Variants in NMNAT2 observed in about 807,000 individuals in gnomAD.
The protein encoded by NMNAT2 is nicotinamide nucleotide adenylyltransferase 2, also known as nicotinamide/nicotinic acid mononucleotide adenylyltransferase 2.
Under a neutral mutation model 41.6 loss-of-function variants are expected in NMNAT2, and 11 were observed. The ratio of observed to expected loss-of-function variants is 0.26; its 90% CI spans 0.17 to 0.44. The LOEUF is 0.44. Ranked by LOEUF, NMNAT2 falls within the 20% of genes least tolerant of loss-of-function variation. The pLI, the probability that NMNAT2 is intolerant of heterozygous loss-of-function variation, is 1.00. For missense variants in NMNAT2, 288 were observed against 407.7 expected (o/e 0.71, Z 2.53); for synonymous variants, 148 against 151.2 (o/e 0.98, Z 0.16).
intron 10 of NMNAT2, among the ~76,000 whole-genome samples, chr1:183,259,937 G>A (rs1377808405): frequency 1.3e-5 from 2 of 152,272 alleles, no homozygotes; most frequent in African/African-American, 2.4e-5. Context: ...TTACGTGTTC[G>A]TGGCTTTCAG....
chr1:183,371,055 T>TC (rs1663528220), intron 1 of NMNAT2, among the ~76,000 whole-genome samples: 1 of 151,864 alleles, frequency 6.6e-6, no homozygotes, highest in Non-Finnish European at 1.5e-5. Flanking sequence ...CAGAATGGAT[T>TC]CCCCCACACC....
At chr1:183,256,164 T>G (rs754841983) in intron 10 of NMNAT2, among the ~76,000 whole-genome samples, 1 of 151,946 alleles carries the variant, frequency 6.6e-6, no homozygotes, top group Non-Finnish European at 1.5e-5. Flanking sequence ...TCCCAGCACT[T>G]TGGGAGGCTG....
Position 183,248,403 on chromosome 1 carries a change from T to G in NMNAT2, c.*4238A>C, listed in dbSNP as rs1229544987. 1 of 152,662 alleles carries G rather than the reference T, an allele frequency of 6.6e-6. No homozygotes were observed. Among genetic ancestry groups the G allele is most frequent in the East Asian group, 1.9e-4 (1 of 5,202 alleles). The allele number at this position is 152,662 out of a possible 1,614,324, so 9.5% of individuals were successfully genotyped here. A position where few individuals can be genotyped will look rare whatever the true frequency, so the allele number is the denominator to read the frequency against. Reference sequence around the variant, plus strand: ...TGAATTGATTTCCATAAAGCAAATCTTACTCTTAAAATGGCAGATTATGTG... The same window carrying G: ...TGAATTGATTTCCATAAAGCAAATCGTACTCTTAAAATGGCAGATTATGTG... On this transcript the variant is annotated 3_prime_UTR_variant, in exon 11 of 11. Coordinates refer to ENST00000287713, the MANE Select transcript of NMNAT2 (RefSeq NM_015039.4).
At chr1:183,376,007 T>TG (rs1663670987) in intron 1 of NMNAT2, among the ~76,000 whole-genome samples, 1 of 151,876 alleles carries the variant, frequency 6.6e-6, no homozygotes, top group Non-Finnish European at 1.5e-5. Flanking sequence ...GGTCACTCAC[T>TG]AATGCTATTA....
At chr1:183,271,163 A>G (rs1180232187) in intron 8 of NMNAT2, among the ~76,000 whole-genome samples, 1 of 152,238 alleles carries the variant, frequency 6.6e-6, no homozygotes, top group African/African-American at 2.4e-5. Context: ...TTTGGGTTAA[A>G]TATTGACTCT....
intron 1 of NMNAT2, among the ~76,000 whole-genome samples, chr1:183,371,865 G>C (rs950493608): frequency 1.3e-5 from 2 of 152,060 alleles, no homozygotes; most frequent in Admixed American, 1.3e-4. Flanking sequence ...CTGCAGCCTT[G>C]ATCCCCTGGG....
At chr1:183,289,857 C>G (rs77569652) in intron 4 of NMNAT2, among the ~76,000 whole-genome samples, 3,119 of 152,350 alleles carry the variant, frequency 0.02, 94 homozygotes, top group African/African-American at 0.071. Context: ...AAGCTGCCCA[C>G]CATACCCAGC....
intron 1 of NMNAT2, among the ~76,000 whole-genome samples, chr1:183,370,578 A>AT (rs1289425814): frequency 6.6e-6 from 1 of 152,208 alleles, no homozygotes; most frequent in African/African-American, 2.4e-5. Flanking sequence ...AATGCCCTGG[A>AT]GCCCAGCCAG....
Position 183,248,625 on chromosome 1 carries a change from G to A in NMNAT2, c.*4016C>T, listed in dbSNP as rs200877225. On this transcript the variant is annotated 3_prime_UTR_variant, in exon 11 of 11. Transcript: ENST00000287713. Reference sequence around the variant, plus strand: ...ACCACATGAACAGTCGAGTGTGCTGGGCAGCTATAAGATGGTGCAGACTGG... The same window carrying A: ...ACCACATGAACAGTCGAGTGTGCTGAGCAGCTATAAGATGGTGCAGACTGG... 1.3e-5 allele frequency: 2 copies of A among 152,120 alleles called. No homozygotes were observed. The highest frequency in any genetic ancestry group is 2.9e-5 in the Non-Finnish European group (2 of 68,046). The allele number at this position is 152,120 out of a possible 1,614,324, so 9.4% of individuals were successfully genotyped here. A position where few individuals can be genotyped will look rare whatever the true frequency, so the allele number is the denominator to read the frequency against.
chr1:183,280,135 A>G (rs536589444), intron 7 of NMNAT2, among the ~76,000 whole-genome samples: 2 of 152,314 alleles, frequency 1.3e-5, no homozygotes, highest in African/African-American at 2.4e-5. Context: ...CAACTCCCCA[A>G]CTGTGGAGAG....
In NMNAT2 at chr1:183,311,968, G is replaced by A. The variant is rs148262128; in HGVS notation, c.86-18175C>T. Among the ~76,000 whole-genome samples the A allele has an allele frequency of 2.3e-3, 343 of 152,160 alleles. 2 individuals are homozygous for A. The highest frequency in any genetic ancestry group is 8.0e-3 in the African/African-American group (332 of 41,512). On this transcript the variant is annotated intron_variant, in intron 1 of 10. Transcript: ENST00000287713. Reference sequence around the variant, plus strand: ...TGGTATTATAAGGGGGAGTTTCCCTGCACAAGCGCTCTTTTTGCCTGCTGC... The same window carrying A: ...TGGTATTATAAGGGGGAGTTTCCCTACACAAGCGCTCTTTTTGCCTGCTGC...
rs902372876 is a variant in NMNAT2 at position 183,251,445 on chromosome 1, C to T, written c.*1196G>A. 6.6e-6 allele frequency: 1 copy of T among 152,248 alleles called. No homozygotes were observed. Among genetic ancestry groups the T allele is most frequent in the African/African-American group, 2.4e-5 (1 of 41,456 alleles). The allele number at this position is 152,248 out of a possible 1,614,324, so 9.4% of individuals were successfully genotyped here. ...AAGAGACATTTCCCAGCCCAACAGA[C>T]AATACATAATTCCAATTAGCAAAGA... On this transcript the variant is annotated 3_prime_UTR_variant, in exon 11 of 11. Transcript: ENST00000287713.
chr1:183,333,924 GCTGT>G (rs1031018432), intron 1 of NMNAT2, among the ~76,000 whole-genome samples: 2 of 152,174 alleles, frequency 1.3e-5, no homozygotes, highest in African/African-American at 4.8e-5. Flanking sequence ...ATCCACCAAT[GCTGT>G]CTAATTGTCC....
chr1:183,253,024 G>T (rs1241339639), intron 10 of NMNAT2, among the ~76,000 whole-genome samples: 2 of 151,942 alleles, frequency 1.3e-5, no homozygotes, highest in African/African-American at 4.8e-5. Context: ...TAATATCTGG[G>T]CCCCTCTCAT....
chr1:183,317,738 C>T (rs958854935), intron 1 of NMNAT2, among the ~76,000 whole-genome samples: 1 of 152,176 alleles, frequency 6.6e-6, no homozygotes. Context: ...AAGATAACCC[C>T]AAGGGCTGGA....
chr1:183,328,221 C>T (rs1449791354), intron 1 of NMNAT2, among the ~76,000 whole-genome samples: 1 of 152,090 alleles, frequency 6.6e-6, no homozygotes, highest in Non-Finnish European at 1.5e-5. Context: ...AGGCCAGGAC[C>T]CTGGCTTCCT....
At chr1:183,381,447 G>A (rs2101916008) in intron 1 of NMNAT2, among the ~76,000 whole-genome samples, 2 of 152,320 alleles carry the variant, frequency 1.3e-5, no homozygotes, top group Non-Finnish European at 2.9e-5. Context: ...TGTAATCCCA[G>A]CACTTTGGGA....
intron 2 of NMNAT2, 107 bp downstream of exon 2, chr1:183,293,598 G>C (rs757892898): frequency 1.5e-4 from 120 of 821,584 alleles, no homozygotes; most frequent in Non-Finnish European, 1.3e-4. Context: ...TGTGTTTCCA[G>C]GAATCTTAGC....
chr1:183,305,926 T>C (rs1004839460), intron 1 of NMNAT2, among the ~76,000 whole-genome samples: 5 of 152,150 alleles, frequency 3.3e-5, no homozygotes, highest in African/African-American at 1.2e-4. Context: ...TTCACCATGT[T>C]GGCCAGGCTG....
Sources: allele counts gnomAD v4.1 joint callset (sites outside exome capture counted in the v4.1 genomes callset), GRCh38; gene constraint gnomAD v4.1.1; transcripts MANE v1.5; gene names NCBI Gene and HGNC (gene_info 2026-07-23, HGNC 2026-07-21).